KIAA0040: variants seen among roughly 807,000 people sequenced by gnomAD.
KIAA0040 encodes uncharacterized protein KIAA0040.
KIAA0040 carries 10 observed loss-of-function variants against 7.2 expected under a neutral mutation model. That is an observed-to-expected ratio of 1.38 (90% CI 0.85 to 2.34). The LOEUF (loss-of-function observed/expected upper bound fraction) is 2.34. KIAA0040 is among the 30% of genes most tolerant of loss of function. The pLI is 0.00. For synonymous variants in KIAA0040, 49 were observed against 40.1 expected (o/e 1.22, Z -0.84); for missense variants, 89 against 108.2 (o/e 0.82, Z 0.79).
At chr1:175,190,889 C>T (rs562805986) in intron 1 of KIAA0040, among the ~76,000 whole-genome samples, 1 of 152,282 alleles carries the variant, frequency 6.6e-6, no homozygotes, top group African/African-American at 2.4e-5. Context: ...CACGCTATTC[C>T]CTACCTGCCA....
At chr1:175,189,903 T>C (rs1339741638) in intron 1 of KIAA0040, among the ~76,000 whole-genome samples, 1 of 152,168 alleles carries the variant, frequency 6.6e-6, no homozygotes, top group African/African-American at 2.4e-5. Flanking sequence ...ACTGAACCCA[T>C]GTATCTCTAG....
intron 2 of KIAA0040, among the ~76,000 whole-genome samples, chr1:175,171,464 AATC>A (rs1161943908): frequency 6.6e-6 from 1 of 152,256 alleles, no homozygotes; most frequent in Non-Finnish European, 1.5e-5. Flanking sequence ...GATCTTGAAT[AATC>A]ATCTGTCAGG....
At chr1:175,188,635 A>T (rs1030253487) in intron 1 of KIAA0040, among the ~76,000 whole-genome samples, 26 of 152,214 alleles carry the variant, frequency 1.7e-4, no homozygotes, top group African/African-American at 6.3e-4. Context: ...AGTTTGAGGA[A>T]ACACTAAAAG....
In KIAA0040 at chr1:175,167,457, G is replaced by A. The variant is rs540047747; in HGVS notation, c.-309-720C>T. Among the ~76,000 whole-genome samples the A allele has an allele frequency of 3.3e-5, 5 of 152,338 alleles. No individual in the cohort carries two copies. The East Asian group carries it at 9.7e-4, about 29-fold the overall frequency. On this transcript the variant is annotated intron_variant, in intron 2 of 3. Transcript: ENST00000423313. ...GAAAAGGACCTGAAGGGACAGGGTA[G>A]CTGACAGCAGCAGTGGTGGGGTGAG...
At chr1:175,186,252 A>G (rs940764003) in intron 1 of KIAA0040, among the ~76,000 whole-genome samples, 1 of 152,246 alleles carries the variant, frequency 6.6e-6, no homozygotes, top group African/African-American at 2.4e-5. Flanking sequence ...AAACTAATAG[A>G]TGTCACATGG....
At chr1:175,177,723 C>T (rs1244111392) in intron 1 of KIAA0040, 39 bp from the exon 2 acceptor site, 1 of 152,122 alleles carries the variant, frequency 6.6e-6, no homozygotes, top group East Asian at 1.9e-4. Context: ...ATGTACTGCC[C>T]CTTTGGAGGG....
intron 1 of KIAA0040, among the ~76,000 whole-genome samples, chr1:175,189,984 TA>T (rs1284028664): frequency 6.6e-6 from 1 of 152,192 alleles, no homozygotes; most frequent in Non-Finnish European, 1.5e-5. Flanking sequence ...CAGCCAGACC[TA>T]AATAACTACT....
chr1:175,162,483 G>A (rs1285845664), intron 3 of KIAA0040, among the ~76,000 whole-genome samples: 1 of 150,680 alleles, frequency 6.6e-6, no homozygotes, highest in Non-Finnish European at 1.5e-5. Context: ...AACTAAGGAT[G>A]ACAATGATGT....
At chr1:175,179,464 C>T (rs1191451402) in intron 1 of KIAA0040, among the ~76,000 whole-genome samples, 1 of 152,128 alleles carries the variant, frequency 6.6e-6, no homozygotes, top group Non-Finnish European at 1.5e-5. Flanking sequence ...ATTAAAAAAA[C>T]TTTTATTAAT....
chr1:175,160,036 GGT>G lies in KIAA0040; in HGVS notation c.*676_*677del, dbSNP rs1340574685. 2 of 153,570 alleles carry G rather than the reference GGT, an allele frequency of 1.3e-5. No individual in the cohort carries two copies. The highest frequency in any genetic ancestry group is 2.9e-5 in the Non-Finnish European group (2 of 68,080). The allele number at this position is 153,570 out of a possible 1,614,324, so 9.5% of individuals were successfully genotyped here. A position where few individuals can be genotyped will look rare whatever the true frequency, so the allele number is the denominator to read the frequency against. Reference sequence around the variant, plus strand: ...TGAGGGGTCAGAGGCACAGAAACTTGGTGTGTCTGTATCAAGACACACAAGGG... The same window carrying G: ...TGAGGGGTCAGAGGCACAGAAACTTGGTGTCTGTATCAAGACACACAAGGG... On this transcript the variant is annotated 3_prime_UTR_variant, in exon 4 of 4. Transcript: ENST00000423313.
intron 3 of KIAA0040, among the ~76,000 whole-genome samples, chr1:175,165,813 G>C (rs1205781160): frequency 6.6e-6 from 1 of 152,246 alleles, no homozygotes; most frequent in Non-Finnish European, 1.5e-5. Context: ...TGCAGGCTGT[G>C]TCCAGGGCTG....
At chr1:175,174,365 C>T (rs1287072494) in intron 2 of KIAA0040, among the ~76,000 whole-genome samples, 1 of 152,208 alleles carries the variant, frequency 6.6e-6, no homozygotes, top group Admixed American at 6.5e-5. Context: ...ACAATACAAA[C>T]AGCTGGCCCA....
At chr1:175,192,072 G>A (rs1396357036) in intron 1 of KIAA0040, among the ~76,000 whole-genome samples, 4 of 152,202 alleles carry the variant, frequency 2.6e-5, no homozygotes, top group African/African-American at 4.8e-5. Context: ...CTTCATGGGT[G>A]GGATGGGGGG....
Position 175,168,042 on chromosome 1 carries a change from C to T in KIAA0040, c.-309-1305G>A, listed in dbSNP as rs114989322. Among the ~76,000 whole-genome samples the T allele has an allele frequency of 8.7e-3, 1,327 of 152,278 alleles. 26 individuals carry two copies. The highest frequency in any genetic ancestry group is 0.03 in the African/African-American group (1,263 of 41,554). ...CCAGCTCTCAAACCACACTGCCTTA[C>T]AAAATCCCTGTGGTTACGATAATAT... On this transcript the variant is annotated intron_variant, in intron 2 of 3. Coordinates refer to ENST00000423313, the MANE Select transcript of KIAA0040 (RefSeq NM_014656.3).
intron 2 of KIAA0040, chr1:175,176,382 AT>A (rs1677189738): frequency 6.6e-6 from 1 of 152,212 alleles, no homozygotes; most frequent in Non-Finnish European, 1.5e-5. Flanking sequence ...AAATATTCTC[AT>A]TCCAATAATA....
chr1:175,161,132 TG>T lies in KIAA0040; in HGVS notation c.-120del. The T allele has an allele frequency of 9.2e-6, 8 of 871,698 alleles. No individual in the cohort carries two copies. The highest frequency in any genetic ancestry group is 3.6e-5 in the South Asian group (2 of 55,094). 54.0% of individuals were successfully genotyped at this position (871,698 alleles called of 1,614,324 possible). A position where few individuals can be genotyped will look rare whatever the true frequency, so the allele number is the denominator to read the frequency against. ...CCTCTTCCAGCTTTGGGTTTGGGCA[TG>T]CCACTGGCAGCACCTGAAGAGATTA... On this transcript the variant is annotated 5_prime_UTR_variant, in exon 4 of 4. Transcript: ENST00000423313.
chr1:175,166,494 T>C (rs991989375), intron 3 of KIAA0040, 68 bp downstream of exon 3: 1 of 152,198 alleles, frequency 6.6e-6, no homozygotes, highest in African/African-American at 2.4e-5. Context: ...CCTTCATTTA[T>C]GAGCACAGGA....
At chr1:175,187,509 C>T (rs146227275) in intron 1 of KIAA0040, among the ~76,000 whole-genome samples, 36 of 152,284 alleles carry the variant, frequency 2.4e-4, no homozygotes, top group African/African-American at 8.4e-4. Context: ...GGTTAGAAAC[C>T]ATGAGCAGAT....
At chr1:175,189,767 CT>C (rs1677800737) in intron 1 of KIAA0040, among the ~76,000 whole-genome samples, 1 of 152,166 alleles carries the variant, frequency 6.6e-6, no homozygotes, top group Admixed American at 6.5e-5. Flanking sequence ...ATGTACTTTC[CT>C]TTTCAATTTG....
Sources: allele counts gnomAD v4.1 joint callset (sites outside exome capture counted in the v4.1 genomes callset), GRCh38; gene constraint gnomAD v4.1.1; transcripts MANE v1.5; gene names NCBI Gene and HGNC (gene_info 2026-07-23, HGNC 2026-07-21).